The following ANKS1A variants were observed in gnomAD, a reference collection of about 807,000 sequenced individuals.
The protein encoded by ANKS1A is ankyrin repeat and sterile alpha motif domain containing 1A.
In ANKS1A, 55 loss-of-function variants were observed where a neutral mutation model predicts 120.3. The observed-to-expected ratio is 0.46, with a 90% CI of 0.37 to 0.57. The LOEUF (loss-of-function observed/expected upper bound fraction) is 0.57, where lower values mean the gene tolerates loss of function less well. Ranked by LOEUF, ANKS1A falls within the 20% of genes least tolerant of loss-of-function variation. The pLI, the probability that ANKS1A is intolerant of heterozygous loss-of-function variation, is 0.00. For synonymous variants in ANKS1A, 590 were observed against 604.7 expected, an observed-to-expected ratio of 0.98 and a Z score of 0.36; for missense variants, 1,123 against 1,480.3, an observed-to-expected ratio of 0.76 and a Z score of 3.96.
intron 1 of ANKS1A, among the ~76,000 whole-genome samples, chr6:34,936,621 A>G (rs772153955): frequency 6.6e-6 from 1 of 152,194 alleles, no homozygotes; most frequent in Admixed American, 6.5e-5. Context: ...AAGTGCTACC[A>G]TATTTTTAAA....
intron 13 of ANKS1A, among the ~76,000 whole-genome samples, chr6:35,066,539 G>T (rs1776785500): frequency 6.6e-6 from 1 of 151,994 alleles, no homozygotes; most frequent in Non-Finnish European, 1.5e-5. Context: ...GGACCTGCTT[G>T]GGAGAACAGG....
At chr6:35,041,717 TCA>T (rs1416739820) in intron 11 of ANKS1A, among the ~76,000 whole-genome samples, 5 of 152,188 alleles carry the variant, frequency 3.3e-5, no homozygotes, top group African/African-American at 1.2e-4. Flanking sequence ...TCAGGAGTCC[TCA>T]CACTACCAGC....
At chr6:35,022,725 TG>T (rs1445944192) in intron 11 of ANKS1A, among the ~76,000 whole-genome samples, 1 of 151,884 alleles carries the variant, frequency 6.6e-6, no homozygotes, top group Non-Finnish European at 1.5e-5. Flanking sequence ...AGATAAGGAG[TG>T]GGAAATTCAC....
chr6:35,080,490 G>T (rs2127608325), intron 16 of ANKS1A, among the ~76,000 whole-genome samples: 1 of 152,338 alleles, frequency 6.6e-6, no homozygotes, highest in East Asian at 1.9e-4. Context: ...GGTGCACTGG[G>T]CCTGCCCCGC....
chr6:35,065,121 C>T (rs1044516915), intron 13 of ANKS1A, among the ~76,000 whole-genome samples: 2 of 152,236 alleles, frequency 1.3e-5, no homozygotes, highest in Admixed American at 1.3e-4. Context: ...CCCTTGGTCT[C>T]GGGAGCCTGA....
intron 1 of ANKS1A, among the ~76,000 whole-genome samples, chr6:34,915,986 C>CTTTTTT (rs202041070): frequency 1.3e-4 from 14 of 104,574 alleles, no homozygotes; most frequent in East Asian, 5.3e-4. Flanking sequence ...ATGTCTGGAT[C>CTTTTTT]TTTTTTTTTT....
intron 13 of ANKS1A, among the ~76,000 whole-genome samples, chr6:35,067,444 A>G (rs1252039354): frequency 6.6e-6 from 1 of 152,218 alleles, no homozygotes; most frequent in Non-Finnish European, 1.5e-5. Context: ...TGGGGACTGC[A>G]TAAACCACCT....
chr6:34,923,369 G>T (rs1768537567), intron 1 of ANKS1A, among the ~76,000 whole-genome samples: 1 of 152,174 alleles, frequency 6.6e-6, no homozygotes, highest in Non-Finnish European at 1.5e-5. Flanking sequence ...GCCAATGAAG[G>T]CTTTTTCGTC....
In ANKS1A at chr6:34,982,733, G is replaced by A. The variant is rs746752861; in HGVS notation, c.733-19G>A. Reference sequence around the variant, plus strand: ...CTGTTCTGATGACATCCCGCTCTGCGCTCTCGTTTGCTTTCCAGACGGAGA... The same window carrying A: ...CTGTTCTGATGACATCCCGCTCTGCACTCTCGTTTGCTTTCCAGACGGAGA... On this transcript the variant is annotated intron_variant, in intron 4 of 23. Transcript: ENST00000360359. This position sits in a 1 kb window ranked among gnomAD's most constrained non-coding sequence, Gnocchi z 4.9. 8 of 1,614,020 alleles carry A rather than the reference G, an allele frequency of 5.0e-6. No individual in the cohort carries two copies. In the Admixed American group the frequency reaches 6.7e-5, roughly 13 times the overall value.
At chr6:35,023,014 T>A (rs1158785810) in intron 11 of ANKS1A, among the ~76,000 whole-genome samples, 1 of 152,228 alleles carries the variant, frequency 6.6e-6, no homozygotes. Flanking sequence ...CCACCTGCCC[T>A]TCAGGTCCAG....
In ANKS1A at chr6:35,060,174, G is replaced by A; in HGVS notation, c.2105G>A (p.Gly702Glu). ...TTACGGACGCTGGAGCAGAGTGTCG[G>A]GGAGTGGCTGGAGTCGATTGGGCTG... ...SGLRTLEQSV[G>E]EWLESIGLQQ... Residue 702 changes from glycine to glutamate, a missense_variant, in exon 13 of 24, where the codon GGG becomes GAG. This residue lies in a region of ANKS1A where 904 missense variants were observed against 1,130.4 expected (regional missense o/e 0.80). Coordinates refer to ENST00000360359, the MANE Select transcript of ANKS1A (RefSeq NM_015245.3). This position sits in a 1 kb window ranked among gnomAD's most constrained non-coding sequence, Gnocchi z 4.5. 2 of 1,613,036 alleles carry A rather than the reference G, an allele frequency of 1.2e-6. No homozygotes were observed. Among genetic ancestry groups the A allele is most frequent in the Non-Finnish European group, 1.7e-6 (2 of 1,179,718 alleles).
chr6:34,979,690 G>T (rs144157269), intron 3 of ANKS1A, among the ~76,000 whole-genome samples: 10 of 151,646 alleles, frequency 6.6e-5, no homozygotes, highest in Middle Eastern at 3.4e-3. Flanking sequence ...TATTCTGGTT[G>T]TTGGGAGACA....
chr6:34,989,000 T>G (rs1422073089), intron 8 of ANKS1A, among the ~76,000 whole-genome samples: 1 of 152,218 alleles, frequency 6.6e-6, no homozygotes, highest in Admixed American at 6.5e-5. Flanking sequence ...AAGAGGTGTT[T>G]ATGATCTCTG....
Position 35,090,372 on chromosome 6 carries a change from C to T in ANKS1A, c.*1763C>T. Reference sequence around the variant, plus strand: ...GGTGCCCGTCTTCCTCCTAAGGGGCCAGGCCACATCCAAGTGGGCCTCTGT... The same window carrying T: ...GGTGCCCGTCTTCCTCCTAAGGGGCTAGGCCACATCCAAGTGGGCCTCTGT... On this transcript the variant is annotated 3_prime_UTR_variant, in exon 24 of 24. Transcript: ENST00000360359. 1 of 1,245,394 alleles carries T rather than the reference C, an allele frequency of 8.0e-7. No homozygotes were observed. The highest frequency in any genetic ancestry group is 1.0e-6 in the Non-Finnish European group (1 of 965,988). The allele number at this position is 1,245,394 out of a possible 1,614,324, so 77.1% of individuals were successfully genotyped here. A position where few individuals can be genotyped will look rare whatever the true frequency, so the allele number is the denominator to read the frequency against.
At chr6:35,069,968 G>A (rs965727298) in intron 13 of ANKS1A, among the ~76,000 whole-genome samples, 3 of 148,574 alleles carry the variant, frequency 2.0e-5, no homozygotes, top group Middle Eastern at 3.6e-3. Context: ...TGGAAGTTGC[G>A]GTGAGCCAAG....
At chr6:34,891,792 C>T (rs914871074) in intron 1 of ANKS1A, among the ~76,000 whole-genome samples, 7 of 152,184 alleles carry the variant, frequency 4.6e-5, no homozygotes, top group African/African-American at 1.4e-4. Flanking sequence ...CCACACCCAG[C>T]TAATTTTTGT....
rs1002944481 is a variant in ANKS1A, at chr6:35,085,139, T to C, written c.3133-627T>C. Among the ~76,000 whole-genome samples the C allele has an allele frequency of 6.6e-6, 1 of 152,164 alleles. No individual in the cohort carries two copies. Among genetic ancestry groups the C allele is most frequent in the African/African-American group, 2.4e-5 (1 of 41,444 alleles). On this transcript the variant is annotated intron_variant, in intron 21 of 23. Coordinates refer to ENST00000360359, the MANE Select transcript of ANKS1A (RefSeq NM_015245.3). This position sits in a 1 kb window ranked among gnomAD's most constrained non-coding sequence, Gnocchi z 4.7. ...GAACCAGGCTTTGCTGCTTGCTGGC[T>C]GTGTGAGCTTGGAAACATCGCATCT...
chr6:35,097,361 T>C, the ANKS1A span, among the ~76,000 whole-genome samples: 1 of 151,792 alleles, frequency 6.6e-6, no homozygotes, highest in African/African-American at 2.4e-5. Context: ...ATACAGAAAT[T>C]AACCGGGCAT....
intron 13 of ANKS1A, among the ~76,000 whole-genome samples, chr6:35,076,800 T>A (rs1561959613): frequency 1.3e-5 from 2 of 151,864 alleles, no homozygotes; most frequent in Non-Finnish European, 2.9e-5. Flanking sequence ...CGGCTAATTT[T>A]TTGTATTTTT....
Sources: gnomAD v4.1 joint callset for allele counts (sites outside exome capture counted in the v4.1 genomes callset) on GRCh38, gnomAD v4.1.1 for gene constraint, gnomAD v4.1.1 regional missense constraint, Gnocchi (gnomAD v3.1) non-coding constraint, MANE v1.5 for transcripts, NCBI Gene and HGNC (gene_info 2026-07-23, HGNC 2026-07-21) for gene names.